CCDC126: variants seen among roughly 807,000 people sequenced by gnomAD.
CCDC126 encodes the protein coiled-coil domain containing 126, also known as coiled-coil domain-containing protein 126.
Under a neutral mutation model 11.7 loss-of-function variants are expected in CCDC126, and 5 were observed. The ratio of observed to expected loss-of-function variants is 0.43; its 90% CI spans 0.22 to 0.90. CCDC126 has a LOEUF of 0.90. Among genes scored for constraint, CCDC126 ranks in the 40% least tolerant of loss-of-function variants. CCDC126 has a pLI of 0.27. For synonymous variants in CCDC126, 60 were observed against 61.9 expected, an observed-to-expected ratio of 0.97 and a Z score of 0.14; for missense variants, 150 against 163.1, an observed-to-expected ratio of 0.92 and a Z score of 0.44.
At chr7:23,611,116 G>A (rs1782703793) in intron 2 of CCDC126, 55 bp from the exon 3 acceptor site, 2 of 472,558 alleles carry the variant, frequency 4.2e-6, no homozygotes, top group Non-Finnish European at 7.5e-6. Flanking sequence ...ATAGTCGTCT[G>A]TTCTGTTACT....
chr7:23,625,016 G>C (rs973737294), intron 3 of CCDC126, among the ~76,000 whole-genome samples: 3 of 151,982 alleles, frequency 2.0e-5, no homozygotes, highest in African/African-American at 7.3e-5. Context: ...CTAATTTTTT[G>C]TTGTTGTTGT....
At chr7:23,625,083 A>T (rs560713414) in intron 3 of CCDC126, among the ~76,000 whole-genome samples, 7 of 152,142 alleles carry the variant, frequency 4.6e-5, no homozygotes, top group Non-Finnish European at 7.3e-5. Context: ...GAATCAAGCG[A>T]TCCTCCCACC....
At chr7:23,638,947 A>G (rs1183629201) in intron 3 of CCDC126, among the ~76,000 whole-genome samples, 4 of 150,310 alleles carry the variant, frequency 2.7e-5, no homozygotes, top group Non-Finnish European at 4.4e-5. Context: ...GGTGATTGCC[A>G]TGGAAAAGGA....
intron 2 of CCDC126, among the ~76,000 whole-genome samples, chr7:23,600,324 A>G (rs1782515486): frequency 6.8e-6 from 1 of 146,626 alleles, no homozygotes; most frequent in African/African-American, 2.5e-5. Context: ...AAGGCAGTGC[A>G]TTTTAAATCT....
intron 3 of CCDC126, among the ~76,000 whole-genome samples, chr7:23,617,456 C>T (rs574219353): frequency 6.6e-6 from 1 of 150,466 alleles, no homozygotes; most frequent in Non-Finnish European, 1.5e-5. Context: ...TATGTTTCTT[C>T]CAAATATATC....
intron 3 of CCDC126, among the ~76,000 whole-genome samples, chr7:23,636,755 G>C (rs1469937704): frequency 7.1e-6 from 1 of 140,192 alleles, no homozygotes; most frequent in Non-Finnish European, 1.6e-5. Flanking sequence ...CAGCCACCCC[G>C]TCCGGGAGGG....
chr7:23,598,248 G>A (rs1782463526), intron 2 of CCDC126, 197 bp downstream of exon 2: 2 of 152,196 alleles, frequency 1.3e-5, no homozygotes, highest in African/African-American at 4.8e-5. Context: ...TAGGAATATA[G>A]ACCTATAACG....
intron 2 of CCDC126, chr7:23,603,989 A>G (rs1782582728): frequency 6.6e-6 from 1 of 152,194 alleles, no homozygotes; most frequent in Non-Finnish European, 1.5e-5. Context: ...TGGGAGTTAG[A>G]AGAAGATCAG....
At chr7:23,611,034 CT>C in intron 2 of CCDC126, 136 bp from the exon 3 acceptor site, 1 of 209,916 alleles carries the variant, frequency 4.8e-6, no homozygotes, top group Non-Finnish European at 9.4e-6. Flanking sequence ...GACTAGAAAG[CT>C]TACTTAGTGG....
At chr7:23,642,848 G>A (rs1783387269) in intron 3 of CCDC126, 83 bp from the exon 4 acceptor site, 2 of 1,134,278 alleles carry the variant, frequency 1.8e-6, no homozygotes, top group Non-Finnish European at 1.3e-6. Flanking sequence ...CCCAGTAGTT[G>A]TTCACCTTTT....
rs1046748656 is a variant in CCDC126 at position 23,619,404 on chromosome 7, T to G, written c.238+7851T>G. 6 of 417,854 alleles carry G rather than the reference T, an allele frequency of 1.4e-5. No homozygotes were observed. The Admixed American group carries it at 1.7e-4, about 12-fold the overall frequency. The allele number at this position is 417,854 out of a possible 1,614,324, so 25.9% of individuals were successfully genotyped here. ...TGCTTAAACTCAGAGATCAGAGGCT[T>G]AAAGAAAAGGATAGATTAAAACCTA... On this transcript the variant is annotated intron_variant, in intron 3 of 3. Transcript: ENST00000307471.
intron 3 of CCDC126, among the ~76,000 whole-genome samples, chr7:23,627,231 G>A (rs1783031215): frequency 6.6e-6 from 1 of 152,024 alleles, no homozygotes; most frequent in African/African-American, 2.4e-5. Flanking sequence ...AAAAATAGAT[G>A]CCAGCCAGGT....
At chr7:23,619,506 A>G in intron 3 of CCDC126, 1 of 368,804 alleles carries the variant, frequency 2.7e-6, no homozygotes, top group Non-Finnish European at 5.3e-6. Context: ...TATTTTTCCA[A>G]TGTAATGCAC....
intron 3 of CCDC126, among the ~76,000 whole-genome samples, chr7:23,636,446 AG>A (rs939221690): frequency 1.4e-5 from 2 of 141,374 alleles, no homozygotes; most frequent in Non-Finnish European, 3.1e-5. Flanking sequence ...CATCCCATCT[AG>A]GAAGTGAGGA....
chr7:23,637,310 A>G (rs1386069710), intron 3 of CCDC126, among the ~76,000 whole-genome samples: 12 of 5,360 alleles, frequency 2.2e-3, no homozygotes, highest in Admixed American at 3.5e-3. Flanking sequence ...AGGTGGGGGG[A>G]TCAGCCCCCC....
rs140864248 is a variant in CCDC126 at position 23,642,946 on chromosome 7, C to T, written c.254C>T (p.Thr85Ile). ...SMAGYADLKR[T>I]IAVLLDDILQ... Reference sequence around the variant, plus strand: ...ATTCCCCTAGCGGATCTGAAAAGAACAATTGCTGTCCTTCTGGATGACATT... The same window carrying T: ...ATTCCCCTAGCGGATCTGAAAAGAATAATTGCTGTCCTTCTGGATGACATT... The change falls in exon 4 of 4, where the codon ACA (threonine) becomes ATA (isoleucine). Residue 85 changes from threonine (T) to isoleucine (I), a missense_variant. Transcript: ENST00000307471. The T allele has an allele frequency of 8.7e-6, 14 of 1,613,640 alleles. No individual in the cohort carries two copies. The highest frequency in any genetic ancestry group is 1.1e-5 in the Non-Finnish European group (13 of 1,179,760).
chr7:23,639,329 C>G (rs555378103), intron 3 of CCDC126, among the ~76,000 whole-genome samples: 1 of 152,042 alleles, frequency 6.6e-6, no homozygotes, highest in Non-Finnish European at 1.5e-5. Context: ...GTAGCTGGGA[C>G]TACAGACATG....
At chr7:23,612,680 A>G (rs1229529124) in intron 3 of CCDC126, among the ~76,000 whole-genome samples, 1 of 151,932 alleles carries the variant, frequency 6.6e-6, no homozygotes, top group Non-Finnish European at 1.5e-5. Flanking sequence ...CTCTTAAGAA[A>G]AGTCTAAAAA....
chr7:23,643,854 GAT>G lies in CCDC126; in HGVS notation c.*742_*743del, dbSNP rs1214828691. On this transcript the variant is annotated 3_prime_UTR_variant, in exon 4 of 4. Coordinates refer to ENST00000307471, the MANE Select transcript of CCDC126 (RefSeq NM_138771.4). ...ATCTTATACTTATTGAAGAATAAAA[GAT>G]ATTTTTATGATGAGAGTAACAATAA... 2.0e-5 allele frequency: 3 copies of G among 152,058 alleles called. No homozygotes were observed. Among genetic ancestry groups the G allele is most frequent in the African/African-American group, 7.2e-5 (3 of 41,412 alleles). 9.4% of individuals were successfully genotyped at this position (152,058 alleles called of 1,614,324 possible). A position where few individuals can be genotyped will look rare whatever the true frequency, so the allele number is the denominator to read the frequency against.
Sources: allele counts gnomAD v4.1 joint callset (sites outside exome capture counted in the v4.1 genomes callset), GRCh38; gene constraint gnomAD v4.1.1; transcripts MANE v1.5; gene names NCBI Gene and HGNC (gene_info 2026-07-23, HGNC 2026-07-21).